STRN3: variants seen among roughly 807,000 people sequenced by gnomAD.
The protein encoded by STRN3 is striatin-3.
Under a neutral mutation model 95.6 loss-of-function variants are expected in STRN3, and 29 were observed. That is an observed-to-expected ratio of 0.30 (90% CI 0.23 to 0.41). STRN3 has a LOEUF of 0.41. Ranked by LOEUF, STRN3 falls within the 10% of genes least tolerant of loss-of-function variation. The pLI is 1.00. For missense variants in STRN3, 890 were observed against 972.1 expected (o/e 0.92, Z 1.12); for synonymous variants, 331 against 357.6 (o/e 0.93, Z 0.84).
chr14:30,966,940 G>A lies in STRN3; in HGVS notation c.283-10698C>T, dbSNP rs111455023. 3.3e-5 allele frequency among the ~76,000 whole-genome samples: 5 copies of A among 152,154 alleles called. 1 individual carries two copies. The highest frequency in any genetic ancestry group is 9.6e-5 in the African/African-American group (4 of 41,542). ...AGGACCTTCAGAAGGGGAAAGGGGGGAAGCAGGTCAACCTCCCAGGACAAG... is the reference window on the plus strand; with the variant it reads ...AGGACCTTCAGAAGGGGAAAGGGGGAAAGCAGGTCAACCTCCCAGGACAAG... On this transcript the variant is annotated intron_variant, in intron 1 of 17. Transcript: ENST00000357479.
intron 10 of STRN3, 43 bp from the exon 11 acceptor site, chr14:30,912,225 C>G (rs745689518): frequency 6.3e-7 from 1 of 1,580,772 alleles, no homozygotes; most frequent in Non-Finnish European, 8.6e-7. Context: ...AAGTAGTAAA[C>G]TGGAAGGCAT....
chr14:30,999,579 A>T (rs1011696745), intron 1 of STRN3, among the ~76,000 whole-genome samples: 35 of 152,332 alleles, frequency 2.3e-4, no homozygotes, highest in African/African-American at 8.2e-4. Flanking sequence ...AGCAGGCAGA[A>T]CAATCAACCA....
chr14:30,993,455 T>C (rs1281792865), intron 1 of STRN3, among the ~76,000 whole-genome samples: 3 of 152,196 alleles, frequency 2.0e-5, no homozygotes, highest in Admixed American at 1.3e-4. Flanking sequence ...AGATTCACTA[T>C]TGACTATTTG....
At chr14:30,920,930 C>T (rs1051569939) in intron 8 of STRN3, among the ~76,000 whole-genome samples, 7 of 151,982 alleles carry the variant, frequency 4.6e-5, no homozygotes, top group Admixed American at 3.3e-4. Flanking sequence ...TTTAATGATC[C>T]ACAATACAAA....
intron 1 of STRN3, among the ~76,000 whole-genome samples, chr14:31,006,002 T>G (rs555453082): frequency 4.6e-5 from 7 of 150,806 alleles, no homozygotes; most frequent in Admixed American, 4.6e-4. Context: ...ACACTTGTAA[T>G]CTCAGCTACT....
intron 1 of STRN3, among the ~76,000 whole-genome samples, chr14:31,021,466 TACTGAAATACTGAAGC>T (rs1267017974): frequency 1.3e-5 from 2 of 152,192 alleles, no homozygotes; most frequent in Non-Finnish European, 2.9e-5. Context: ...ATTAAATGAA[TACTGAAATACTGAAGC>T]ACTGAAATAA....
chr14:30,926,315 G>A (rs1250924364), intron 8 of STRN3, among the ~76,000 whole-genome samples: 2 of 151,952 alleles, frequency 1.3e-5, no homozygotes, highest in Non-Finnish European at 2.9e-5. Flanking sequence ...ACTAATGGAA[G>A]CTAAGTTAAA....
chr14:30,930,087 A>G (rs1302358438), intron 7 of STRN3, among the ~76,000 whole-genome samples: 3 of 151,912 alleles, frequency 2.0e-5, no homozygotes, highest in Admixed American at 2.0e-4. Flanking sequence ...TGCTAAAGCT[A>G]CATCAGCTAT....
At chr14:30,939,367 A>C (rs138807331) in intron 5 of STRN3, among the ~76,000 whole-genome samples, 2 of 152,204 alleles carry the variant, frequency 1.3e-5, no homozygotes, top group Non-Finnish European at 2.9e-5. Flanking sequence ...TCACAAACTT[A>C]TAAGAATGAC....
intron 5 of STRN3, among the ~76,000 whole-genome samples, chr14:30,941,243 C>G (rs185635272): frequency 1.3e-5 from 2 of 152,300 alleles, no homozygotes; most frequent in Admixed American, 1.3e-4. Flanking sequence ...ATATGGCTAT[C>G]TCTTGTCAAG....
At chr14:31,024,537 CTTTT>C (rs34681869) in intron 1 of STRN3, among the ~76,000 whole-genome samples, 5 of 152,060 alleles carry the variant, frequency 3.3e-5, no homozygotes, top group Admixed American at 2.0e-4. Context: ...ACAAGTGTTA[CTTTT>C]TTTTAAGACT....
chr14:30,926,828 CA>C (rs1481813740), intron 8 of STRN3, among the ~76,000 whole-genome samples: 1 of 152,064 alleles, frequency 6.6e-6, no homozygotes, highest in East Asian at 1.9e-4. Flanking sequence ...TTGGGGTCTC[CA>C]GTACTGATTC....
intron 7 of STRN3, among the ~76,000 whole-genome samples, chr14:30,932,813 T>C (rs1484729474): frequency 6.6e-6 from 1 of 152,198 alleles, no homozygotes; most frequent in East Asian, 1.9e-4. Flanking sequence ...TTCTAGCAAC[T>C]TTAGGCTAAG....
At chr14:30,963,478 G>A (rs552669773) in intron 1 of STRN3, among the ~76,000 whole-genome samples, 4 of 152,214 alleles carry the variant, frequency 2.6e-5, no homozygotes, top group African/African-American at 7.2e-5. Context: ...GTGCAGTCTC[G>A]ACTCACTGCA....
At chr14:31,008,830 G>A (rs1882835291) in intron 1 of STRN3, among the ~76,000 whole-genome samples, 2 of 152,074 alleles carry the variant, frequency 1.3e-5, no homozygotes, top group Non-Finnish European at 2.9e-5. Context: ...CTCAAGGTCA[G>A]GAATTTGAGA....
At chr14:31,023,017 C>G (rs1213814950) in intron 1 of STRN3, among the ~76,000 whole-genome samples, 1 of 152,140 alleles carries the variant, frequency 6.6e-6, no homozygotes, top group Non-Finnish European at 1.5e-5. Context: ...TTTTCAAAAG[C>G]TGGTCTGGAA....
chr14:30,981,866 A>G (rs117057425), intron 1 of STRN3, among the ~76,000 whole-genome samples: 8,208 of 152,182 alleles, frequency 0.054, 297 homozygotes, highest in Non-Finnish European at 0.084. Context: ...AGGCCAAGGT[A>G]GATGGATCAC....
chr14:31,001,879 A>T (rs1040618268), intron 1 of STRN3, among the ~76,000 whole-genome samples: 3 of 151,412 alleles, frequency 2.0e-5, no homozygotes, highest in Non-Finnish European at 3.0e-5. Flanking sequence ...AAAACACAAA[A>T]ATCAGGCCAG....
intron 1 of STRN3, among the ~76,000 whole-genome samples, chr14:30,978,858 C>T (rs1881242763): frequency 6.6e-6 from 1 of 151,838 alleles, no homozygotes; most frequent in African/African-American, 2.4e-5. Flanking sequence ...CATGGTGAAA[C>T]CCTGTCTCTA....
Sources: gnomAD v4.1 joint callset for allele counts (sites outside exome capture counted in the v4.1 genomes callset) on GRCh38, gnomAD v4.1.1 for gene constraint, MANE v1.5 for transcripts, NCBI Gene and HGNC (gene_info 2026-07-23, HGNC 2026-07-21) for gene names.